UMAD1: variants seen among roughly 807,000 people sequenced by gnomAD.
UMAD1 encodes UBAP1-MVB12-associated (UMA)-domain containing protein 1.
A neutral mutation model predicts 6.1 loss-of-function variants in UMAD1; 8 were observed. The observed-to-expected ratio is 1.30, with a 90% CI of 0.76 to 2.35. The LOEUF is 2.35. Among genes scored for constraint, UMAD1 ranks in the 30% most tolerant of loss-of-function variants. UMAD1 has a pLI of 0.00. For synonymous variants in UMAD1, 56 were observed against 31.4 expected (o/e 1.78, Z -2.61); for missense variants, 130 against 78.4 (o/e 1.66, Z -2.49).
chr7:7,649,171 A>AG (rs1424578313), intron 1 of UMAD1, among the ~76,000 whole-genome samples: 198 of 142,082 alleles, frequency 1.4e-3, no homozygotes, highest in South Asian at 0.012. Context: ...AAAAAAAAAA[A>AG]AAAAAAAAGA....
chr7:7,774,100 A>C (rs1782154380), intron 2 of UMAD1, among the ~76,000 whole-genome samples: 1 of 152,166 alleles, frequency 6.6e-6, no homozygotes, highest in African/African-American at 2.4e-5. Context: ...TTGCAAACTG[A>C]GTCCTCAGGT....
rs564865233 is a variant in UMAD1 at position 7,814,682 on chromosome 7, A to G, written c.156+12939A>G. ...TTTTAATAGGTTGTAAGTGGTATACATAACCTCTAATTTTAATCATCTTTT... is the reference window on the plus strand; with the variant it reads ...TTTTAATAGGTTGTAAGTGGTATACGTAACCTCTAATTTTAATCATCTTTT... On this transcript the variant is annotated intron_variant, in intron 3 of 3. Transcript: ENST00000682710. Among the ~76,000 whole-genome samples the G allele has an allele frequency of 2.6e-4, 39 of 152,306 alleles. No homozygotes were observed. The South Asian group carries it at 7.5e-3, about 29-fold the overall frequency.
intron 2 of UMAD1, among the ~76,000 whole-genome samples, chr7:7,783,332 A>G (rs1280445900): frequency 6.6e-6 from 1 of 152,088 alleles, no homozygotes; most frequent in African/African-American, 2.4e-5. Flanking sequence ...ATTATTTCTC[A>G]TGACTGTAGA....
intron 3 of UMAD1, among the ~76,000 whole-genome samples, chr7:7,805,251 T>C (rs1377369485): frequency 6.6e-6 from 1 of 152,108 alleles, no homozygotes; most frequent in African/African-American, 2.4e-5. Context: ...AGAAGAACTA[T>C]TGATACCTGG....
chr7:7,683,819 C>T (rs1779972454), intron 2 of UMAD1, among the ~76,000 whole-genome samples: 2 of 152,146 alleles, frequency 1.3e-5, no homozygotes, highest in South Asian at 2.1e-4. Context: ...GACAGGGTTT[C>T]ACCATGTTGG....
intron 3 of UMAD1, among the ~76,000 whole-genome samples, chr7:7,855,964 C>T (rs894977416): frequency 2.6e-5 from 4 of 152,176 alleles, no homozygotes; most frequent in Non-Finnish European, 5.9e-5. Flanking sequence ...GCAGGAATGA[C>T]CTTTACTCCA....
intron 2 of UMAD1, among the ~76,000 whole-genome samples, chr7:7,743,164 T>G (rs373543865): frequency 6.6e-6 from 1 of 152,208 alleles, no homozygotes; most frequent in East Asian, 1.9e-4. Flanking sequence ...AGTTTTGGTC[T>G]GGTGGTGCAG....
intron 3 of UMAD1, among the ~76,000 whole-genome samples, chr7:7,834,631 A>G (rs1783531707): frequency 6.6e-6 from 1 of 151,392 alleles, no homozygotes. Context: ...CAGAGAAAGA[A>G]CTCTCTCCCT....
intron 2 of UMAD1, among the ~76,000 whole-genome samples, chr7:7,773,025 C>T (rs112936247): frequency 1.9e-4 from 29 of 152,118 alleles, no homozygotes; most frequent in African/African-American, 6.5e-4. Context: ...TCATTTAGCT[C>T]TAGGAAACAT....
chr7:7,716,972 C>T (rs1006180068), intron 2 of UMAD1, among the ~76,000 whole-genome samples: 3 of 152,128 alleles, frequency 2.0e-5, no homozygotes, highest in African/African-American at 4.8e-5. Context: ...CCTCTTCTTG[C>T]CCTGAACCCG....
chr7:7,685,931 A>C (rs555606874), intron 2 of UMAD1: 7 of 152,278 alleles, frequency 4.6e-5, no homozygotes, highest in African/African-American at 1.7e-4. Context: ...ATTCTTGAGC[A>C]CTTTCTCTAT....
chr7:7,810,412 G>A (rs796975298), intron 3 of UMAD1, among the ~76,000 whole-genome samples: 18 of 152,088 alleles, frequency 1.2e-4, no homozygotes, highest in African/African-American at 4.3e-4. Flanking sequence ...AAAAAAGATG[G>A]CATATTCAGT....
intron 2 of UMAD1, among the ~76,000 whole-genome samples, chr7:7,761,102 C>T (rs1017428380): frequency 7.6e-4 from 115 of 152,222 alleles, no homozygotes; most frequent in African/African-American, 2.6e-3. Context: ...CGGTGGCTGA[C>T]GCCTGTAATC....
intron 3 of UMAD1, among the ~76,000 whole-genome samples, chr7:7,842,626 A>T (rs1046693881): frequency 6.6e-6 from 1 of 152,090 alleles, no homozygotes; most frequent in African/African-American, 2.4e-5. Context: ...TTAAAAAAAA[A>T]AAAAACTAAT....
At position 7,833,353 on chromosome 7, in the gene UMAD1, C is replaced by T. The variant is rs141342527; in HGVS notation, c.156+31610C>T. Among the ~76,000 whole-genome samples the T allele has an allele frequency of 3.8e-3, 581 of 152,188 alleles. 4 individuals are homozygous for T. The highest frequency in any genetic ancestry group is 4.4e-3 in the Non-Finnish European group (299 of 68,004). On this transcript the variant is annotated intron_variant, in intron 3 of 3. Coordinates refer to ENST00000682710, the MANE Select transcript of UMAD1 (RefSeq NM_001302348.2). The stretch of plus-strand genomic sequence containing the variant: ...AAAGAGAGTTACTACACACATGAGG[C>T]ATACTGTGGTGTTAGTATTTCTTGA...
At position 7,649,142 on chromosome 7, in the gene UMAD1, G is replaced by T. The variant is rs1583691882; in HGVS notation, c.-64+8321G>T. On this transcript the variant is annotated intron_variant, in intron 1 of 3. Transcript: ENST00000682710. ...CACTGCACTCCAGCCCGTGCGACAAGAGCGAGACTCCATCTCAAAAAAAAA... is the reference window on the plus strand; with the variant it reads ...CACTGCACTCCAGCCCGTGCGACAATAGCGAGACTCCATCTCAAAAAAAAA... Among the ~76,000 whole-genome samples, 4 of 126,236 alleles carry T rather than the reference G, an allele frequency of 3.2e-5. No individual in the cohort carries two copies. The East Asian group carries it at 8.8e-4, about 28-fold the overall frequency. 82.8% of individuals were successfully genotyped at this position (126,236 alleles called of 152,430 possible).
At chr7:7,761,516 A>G (rs1781890139) in intron 2 of UMAD1, among the ~76,000 whole-genome samples, 2 of 152,224 alleles carry the variant, frequency 1.3e-5, no homozygotes, top group African/African-American at 2.4e-5. Context: ...TCCTTTTCAC[A>G]TCCTTGTGCA....
intron 2 of UMAD1, among the ~76,000 whole-genome samples, chr7:7,741,777 A>G (rs1781473647): frequency 6.6e-6 from 1 of 151,946 alleles, no homozygotes; most frequent in African/African-American, 2.4e-5. Flanking sequence ...TTAGTATGAT[A>G]AGAGCAGAGA....
chr7:7,652,208 C>T (rs1785238535), intron 1 of UMAD1, among the ~76,000 whole-genome samples: 4 of 152,260 alleles, frequency 2.6e-5, no homozygotes, highest in South Asian at 2.1e-4. Context: ...TTACATTGCT[C>T]GTTTGCTCAC....
Sources: gnomAD v4.1 joint callset for allele counts (sites outside exome capture counted in the v4.1 genomes callset) on GRCh38, gnomAD v4.1.1 for gene constraint, MANE v1.5 for transcripts, NCBI Gene and HGNC (gene_info 2026-07-23, HGNC 2026-07-21) for gene names.